Variants in FAM47E observed in about 807,000 individuals in gnomAD.
FAM47E encodes the protein protein FAM47E.
A neutral mutation model predicts 41.6 loss-of-function variants in FAM47E; 32 were observed. That is an observed-to-expected ratio of 0.77 (90% CI 0.58 to 1.03). The LOEUF is 1.03. FAM47E is among the 50% of genes least tolerant of loss of function. The pLI is 0.00. For missense variants in FAM47E, 424 were observed against 485.4 expected, an observed-to-expected ratio of 0.87 and a Z score of 1.19; for synonymous variants, 184 against 188.7, an observed-to-expected ratio of 0.98 and a Z score of 0.20.
Position 76,278,210 on chromosome 4 carries a change from G to A in FAM47E, c.1012G>A (p.Glu338Lys). Residue 338 changes from glutamate (E) to lysine (K), a missense_variant, in exon 6 of 8, where the codon GAG (glutamate) becomes AAG (lysine). Transcript: ENST00000424749. ...HKAQEENFKK[E>K]LQEQEELLAD... ...GGCTCAAGAGGAGAATTTTAAAAAG[G>A]AGCTGCAGGAACAGGTATGTATTTA... 1 of 1,540,940 alleles carries A rather than the reference G, an allele frequency of 6.5e-7. No homozygotes were observed. Among genetic ancestry groups the A allele is most frequent in the East Asian group, 2.4e-5 (1 of 40,832 alleles).
chr4:76,246,487 T>G (rs1348208), intron 2 of FAM47E, among the ~76,000 whole-genome samples: 126,821 of 152,086 alleles, frequency 0.83, 53,087 homozygotes, highest in Middle Eastern at 0.88. Flanking sequence ...GATAATGGGG[T>G]AGAGATTTCT....
chr4:76,241,646 T>A (rs1456360153), intron 2 of FAM47E, among the ~76,000 whole-genome samples: 1 of 152,194 alleles, frequency 6.6e-6, no homozygotes, highest in African/African-American at 2.4e-5. Flanking sequence ...TAGCTTTCAA[T>A]AGACCCCAAA....
chr4:76,283,378 T>G lies in FAM47E; in HGVS notation c.1105-3T>G, dbSNP rs2110033154. On this transcript the variant is annotated splice_polypyrimidine_tract_variant and splice_region_variant and intron_variant, in intron 7 of 7. Coordinates refer to ENST00000424749, the MANE Select transcript of FAM47E (RefSeq NM_001136570.3). The stretch of plus-strand genomic sequence containing the variant: ...TAATGAAGGTTCTCTCATTTTTTTT[T>G]AGTTCCTTGAGAATATGTATATCGG... 1.3e-6 allele frequency: 2 copies of G among 1,532,618 alleles called. No homozygotes were observed. The highest frequency in any genetic ancestry group is 2.5e-5 in the East Asian group (1 of 40,788). The allele number at this position is 1,532,618 out of a possible 1,614,324, so 94.9% of individuals were successfully genotyped here. A position where few individuals can be genotyped will look rare whatever the true frequency, so the allele number is the denominator to read the frequency against.
intron 3 of FAM47E, chr4:76,268,021 T>C (rs1265583584): frequency 6.6e-6 from 1 of 152,238 alleles, no homozygotes; most frequent in Non-Finnish European, 1.5e-5. Context: ...ACTTTTGAAG[T>C]GGTAAATTTT....
At chr4:76,219,335 A>G (rs1019351791) in intron 2 of FAM47E, among the ~76,000 whole-genome samples, 1 of 152,172 alleles carries the variant, frequency 6.6e-6, no homozygotes, top group Admixed American at 6.5e-5. Flanking sequence ...ACTTTGCAAT[A>G]TATCTAATGT....
intron 2 of FAM47E, among the ~76,000 whole-genome samples, chr4:76,219,356 G>A (rs370179310): frequency 1.3e-5 from 2 of 152,156 alleles, no homozygotes; most frequent in African/African-American, 2.4e-5. Flanking sequence ...ATATTCTGAC[G>A]TGAAATGTAT....
At chr4:76,220,634 A>T (rs1733291180) in intron 2 of FAM47E, among the ~76,000 whole-genome samples, 1 of 152,214 alleles carries the variant, frequency 6.6e-6, no homozygotes, top group South Asian at 2.1e-4. Context: ...TAAAGAAAGA[A>T]TGAAGTCCTG....
At chr4:76,264,376 G>C (rs1876536) in intron 3 of FAM47E, among the ~76,000 whole-genome samples, 49,505 of 151,330 alleles carry the variant, frequency 0.33, 9,434 homozygotes, top group Non-Finnish European at 0.41. Flanking sequence ...CCTTTTTTCT[G>C]AGTATAGGTC....
chr4:76,251,575 C>T (rs1484915363), upstream of FAM47E: 24 of 1,275,042 alleles, frequency 1.9e-5, 1 homozygote, highest in East Asian at 4.1e-4. Flanking sequence ...TCGGCCAGGT[C>T]CACGTCCCCA....
intron 2 of FAM47E, among the ~76,000 whole-genome samples, chr4:76,219,670 CTT>C (rs1733273786): frequency 6.6e-6 from 1 of 151,796 alleles, no homozygotes; most frequent in Non-Finnish European, 1.5e-5. Flanking sequence ...TAGAGGCAGA[CTT>C]TGTCAGCCTG....
chr4:76,248,384 T>G (rs1052547876), upstream of FAM47E, among the ~76,000 whole-genome samples: 6 of 152,126 alleles, frequency 3.9e-5, no homozygotes, highest in South Asian at 2.1e-4. Context: ...CTAAGAAGTT[T>G]GTAGTTTTAG....
At chr4:76,262,136 G>A (rs1286946374) in intron 2 of FAM47E, among the ~76,000 whole-genome samples, 3 of 152,152 alleles carry the variant, frequency 2.0e-5, no homozygotes, top group African/African-American at 7.2e-5. Flanking sequence ...GTATGGCACA[G>A]AAGAGGGGAA....
At chr4:76,237,345 C>T (rs1191474731) in intron 2 of FAM47E, among the ~76,000 whole-genome samples, 3 of 87,218 alleles carry the variant, frequency 3.4e-5, no homozygotes, top group Non-Finnish European at 7.7e-5. Context: ...GTTGAGGGGC[C>T]TTAGAGTTTT....
intron 2 of FAM47E, among the ~76,000 whole-genome samples, chr4:76,226,537 A>G (rs960432119): frequency 3.3e-5 from 5 of 152,174 alleles, no homozygotes; most frequent in South Asian, 4.2e-4. Flanking sequence ...TTTAGATTGT[A>G]GTGCTGTGGG....
chr4:76,248,100 G>A (rs1733870720), upstream of FAM47E, among the ~76,000 whole-genome samples: 1 of 151,506 alleles, frequency 6.6e-6, no homozygotes, highest in South Asian at 2.1e-4. Context: ...ATTTTTAGTA[G>A]AGATGGGGTT....
chr4:76,259,543 A>G (rs1312909568), intron 2 of FAM47E, among the ~76,000 whole-genome samples: 1 of 152,256 alleles, frequency 6.6e-6, no homozygotes, highest in Admixed American at 6.5e-5. Context: ...GAAACAAATG[A>G]AGTATTTTAT....
chr4:76,280,120 A>C, intron 6 of FAM47E, 144 bp from the exon 7 acceptor site: 1 of 551,468 alleles, frequency 1.8e-6, no homozygotes, highest in Non-Finnish European at 3.2e-6. Context: ...TCAACTCATG[A>C]ACATTACACA....
At chr4:76,251,078 G>A (rs1733948944), upstream of FAM47E, among the ~76,000 whole-genome samples, 1 of 152,090 alleles carries the variant, frequency 6.6e-6, no homozygotes, top group Non-Finnish European at 1.5e-5. Flanking sequence ...CTCAGAAGTA[G>A]CATAAGAATT....
chr4:76,266,286 T>C (rs1405815094), intron 3 of FAM47E, among the ~76,000 whole-genome samples: 1 of 152,224 alleles, frequency 6.6e-6, no homozygotes, highest in East Asian at 1.9e-4. Context: ...CATCTGTATA[T>C]GGTTAATTCA....
Sources: allele counts gnomAD v4.1 joint callset (sites outside exome capture counted in the v4.1 genomes callset), GRCh38; gene constraint gnomAD v4.1.1; transcripts MANE v1.5; gene names NCBI Gene and HGNC (gene_info 2026-07-23, HGNC 2026-07-21).